The following DIP2B variants were observed in gnomAD, a reference collection of about 807,000 sequenced individuals.
DIP2B encodes the protein DIP2 acetate--CoA ligase B (putative).
Under a neutral mutation model 198.0 loss-of-function variants are expected in DIP2B, and 76 were observed. That is an observed-to-expected ratio of 0.38 (90% CI 0.32 to 0.46). The LOEUF (loss-of-function observed/expected upper bound fraction) is 0.46. Ranked by LOEUF, DIP2B falls within the 20% of genes least tolerant of loss-of-function variation. The probability of loss-of-function intolerance (pLI) is 0.99; values close to 1 mark genes in which losing one functional copy is unlikely to be tolerated. For synonymous variants in DIP2B, 701 were observed against 739.1 expected (o/e 0.95, Z 0.84); for missense variants, 1,559 against 1,978.4 (o/e 0.79, Z 4.02).
At chr12:50,559,337 G>A (rs1958498321) in intron 1 of DIP2B, among the ~76,000 whole-genome samples, 1 of 144,064 alleles carries the variant, frequency 6.9e-6, no homozygotes, top group Non-Finnish European at 1.5e-5. Context: ...TTTTTGCTGG[G>A]CTGGCATAAC....
At chr12:50,623,431 ACACACACTCTCTCTCTCT>A (rs1399327805) in intron 1 of DIP2B, among the ~76,000 whole-genome samples, 4 of 51,750 alleles carry the variant, frequency 7.7e-5, no homozygotes, top group South Asian at 1.1e-3. Context: ...ACACACACAC[ACACACACTCTCTCTCTCT>A]CTCTCTCTCT....
At chr12:50,699,322 T>C (rs113950715) in intron 19 of DIP2B, 120 bp downstream of exon 19, 48,527 of 1,412,988 alleles carry the variant, frequency 0.034, 1,009 homozygotes, top group Non-Finnish European at 0.04. Context: ...ACTCTGGAGC[T>C]AGACTTGCCT....
chr12:50,682,421 C>G (rs982830042), intron 9 of DIP2B, among the ~76,000 whole-genome samples: 5 of 151,860 alleles, frequency 3.3e-5, no homozygotes, highest in African/African-American at 1.2e-4. Context: ...GTCAGGAGAT[C>G]GATCGAGACC....
rs145107760 is a variant in DIP2B at position 50,546,324 on chromosome 12, A to G, written c.100+41084A>G. 4.7e-3 allele frequency among the ~76,000 whole-genome samples: 718 copies of G among 152,360 alleles called. 8 individuals carry two copies. Among genetic ancestry groups the G allele is most frequent in the African/African-American group, 0.016 (679 of 41,584 alleles). On this transcript the variant is annotated intron_variant, in intron 1 of 37. Coordinates refer to ENST00000301180, the MANE Select transcript of DIP2B (RefSeq NM_173602.3). ...CTGTTGGTGGGAGTTCCGTGTTGTG[A>G]AAAATTCTTTTTTAAAAAAATTTCA...
At chr12:50,559,709 CCACACACA>C (rs55678718) in intron 1 of DIP2B, among the ~76,000 whole-genome samples, 60 of 139,620 alleles carry the variant, frequency 4.3e-4, no homozygotes, top group African/African-American at 1.4e-3. Context: ...GTGACAGAAA[CCACACACA>C]CACACACACA....
In DIP2B at chr12:50,746,408, A is replaced by G. The variant is rs964039983; in HGVS notation, c.*1569A>G. The G allele has an allele frequency of 6.6e-6, 1 of 152,180 alleles. No individual in the cohort carries two copies. The allele number at this position is 152,180 out of a possible 1,614,324, so 9.4% of individuals were successfully genotyped here. A position where few individuals can be genotyped will look rare whatever the true frequency, so the allele number is the denominator to read the frequency against. ...ATGTAAACTAAGTATGTTTTTAAAC[A>G]ATTTTTAAGACTTGTAATTACCCTG... On this transcript the variant is annotated 3_prime_UTR_variant, in exon 38 of 38. Transcript: ENST00000301180.
chr12:50,719,430 C>A (rs1939792214), intron 25 of DIP2B, among the ~76,000 whole-genome samples: 1 of 152,182 alleles, frequency 6.6e-6, no homozygotes, highest in South Asian at 2.1e-4. Context: ...ATTTTAAAAA[C>A]CCTAAGTTAT....
chr12:50,526,883 A>C (rs1462141241), intron 1 of DIP2B, among the ~76,000 whole-genome samples: 1 of 151,272 alleles, frequency 6.6e-6, no homozygotes, highest in Non-Finnish European at 1.5e-5. Context: ...TAATACGACT[A>C]CCCCGGTCCC....
At chr12:50,671,107 T>C in intron 4 of DIP2B, 79 bp from the exon 5 acceptor site, 1 of 1,387,532 alleles carries the variant, frequency 7.2e-7, no homozygotes, top group East Asian at 2.3e-5. Flanking sequence ...CGAAACTGAA[T>C]GTGTGATCAA....
At chr12:50,740,183 A>G (rs896434157) in intron 36 of DIP2B, among the ~76,000 whole-genome samples, 1 of 152,210 alleles carries the variant, frequency 6.6e-6, no homozygotes, top group Non-Finnish European at 1.5e-5. Flanking sequence ...AACACTGACT[A>G]TATCCTGCAC....
intron 32 of DIP2B, 80 bp downstream of exon 32, chr12:50,732,616 C>A: frequency 6.4e-7 from 1 of 1,556,554 alleles, no homozygotes; most frequent in Non-Finnish European, 8.7e-7. Flanking sequence ...TGGAGCCAGG[C>A]TGCCTGGGCT....
chr12:50,709,429 G>A (rs981842740), intron 22 of DIP2B, among the ~76,000 whole-genome samples: 4 of 151,756 alleles, frequency 2.6e-5, no homozygotes, highest in African/African-American at 9.7e-5. Flanking sequence ...TCAGGAGATC[G>A]AGACCATCCT....
intron 1 of DIP2B, among the ~76,000 whole-genome samples, chr12:50,581,940 C>T (rs1958727840): frequency 6.6e-6 from 1 of 152,074 alleles, no homozygotes; most frequent in Non-Finnish European, 1.5e-5. Flanking sequence ...CTGATTGAGG[C>T]AGAGCTCAGT....
In DIP2B at chr12:50,748,631, C is replaced by T. The variant is rs1940372262; in HGVS notation, c.*3792C>T. The T allele has an allele frequency of 6.6e-6, 1 of 152,568 alleles. No individual in the cohort carries two copies. Among genetic ancestry groups the T allele is most frequent in the Non-Finnish European group, 1.5e-5 (1 of 68,020 alleles). 9.5% of individuals were successfully genotyped at this position (152,568 alleles called of 1,614,324 possible). On this transcript the variant is annotated 3_prime_UTR_variant, in exon 38 of 38. Coordinates refer to ENST00000301180, the MANE Select transcript of DIP2B (RefSeq NM_173602.3). ...AACTCATTGAATGTGTTTCCTTTGT[C>T]TTGTGTTAATAAATATTGATGCCTG...
chr12:50,593,366 G>A (rs777069689), intron 1 of DIP2B, among the ~76,000 whole-genome samples: 9 of 152,192 alleles, frequency 5.9e-5, no homozygotes, highest in Non-Finnish European at 8.8e-5. Flanking sequence ...TTAGCTAGGC[G>A]TGGTGACATG....
Position 50,617,159 on chromosome 12 carries a change from CTT to C in DIP2B, c.101-8804_101-8803del, listed in dbSNP as rs63059261. The stretch of plus-strand genomic sequence containing the variant: ...GTAATGATGTATAATGATCTTTTTG[CTT>C]TTTTTTTTTTTTGAGACGGAGTCTC... On this transcript the variant is annotated intron_variant, in intron 1 of 37. Coordinates refer to ENST00000301180, the MANE Select transcript of DIP2B (RefSeq NM_173602.3). Among the ~76,000 whole-genome samples the C allele has an allele frequency of 4.4e-3, 627 of 142,736 alleles. 3 individuals are homozygous for C. Among genetic ancestry groups the C allele is most frequent in the African/African-American group, 0.014 (536 of 39,016 alleles). 93.6% of individuals were successfully genotyped at this position (142,736 alleles called of 152,430 possible). A position where few individuals can be genotyped will look rare whatever the true frequency, so the allele number is the denominator to read the frequency against.
intron 3 of DIP2B, among the ~76,000 whole-genome samples, chr12:50,648,701 C>T (rs1406474691): frequency 7.3e-6 from 1 of 136,556 alleles, no homozygotes; most frequent in African/African-American, 2.6e-5. Context: ...TGTTCTTCCC[C>T]CCCCCCTCCT....
chr12:50,629,127 C>G (rs1448485561), intron 2 of DIP2B, among the ~76,000 whole-genome samples: 1 of 152,156 alleles, frequency 6.6e-6, no homozygotes, highest in East Asian at 1.9e-4. Flanking sequence ...AGCAATCCAC[C>G]CGTCTCGGCC....
In DIP2B at chr12:50,671,347, G is replaced by A. The variant is rs1207688937; in HGVS notation, c.589G>A (p.Val197Ile). 1 of 1,614,040 alleles carries A rather than the reference G, an allele frequency of 6.2e-7. No homozygotes were observed. Among genetic ancestry groups the A allele is most frequent in the Non-Finnish European group, 8.5e-7 (1 of 1,180,032 alleles). Residue 197 changes from valine to isoleucine, a missense_variant, in exon 5 of 38, where the codon GTC (valine) becomes ATC (isoleucine). Physicochemically the swap from Val to Ile is conservative, Grantham distance 29. Transcript: ENST00000301180. ...SASSTLSHGEVKGTSGSLADV... is the reference protein window; with the variant it reads ...SASSTLSHGEIKGTSGSLADV... ...ATCTTCTACGCTGTCCCACGGAGAG[G>A]TCAAAGGAACCAGTGGGTCTCTAGC...
Sources: allele counts gnomAD v4.1 joint callset (sites outside exome capture counted in the v4.1 genomes callset), GRCh38; gene constraint gnomAD v4.1.1; transcripts MANE v1.5; gene names NCBI Gene and HGNC (gene_info 2026-07-23, HGNC 2026-07-21).